Variants in LDB2 observed in about 807,000 individuals in gnomAD.
LDB2 encodes the protein LIM domain-binding protein 2.
A neutral mutation model predicts 44.3 loss-of-function variants in LDB2; 12 were observed. That is an observed-to-expected ratio of 0.27 (90% CI 0.17 to 0.44). LDB2 has a LOEUF of 0.44. LDB2 is among the 20% of genes least tolerant of loss of function. The pLI is 1.00. For synonymous variants in LDB2, 164 were observed against 174.8 expected (o/e 0.94, Z 0.49); for missense variants, 344 against 473.5 (o/e 0.73, Z 2.54).
At chr4:16,601,951 A>C (rs979097100) in intron 2 of LDB2, among the ~76,000 whole-genome samples, 1 of 152,174 alleles carries the variant, frequency 6.6e-6, no homozygotes, top group Admixed American at 6.5e-5. Context: ...GATGGGGGTG[A>C]TACTAGTTCA....
intron 2 of LDB2, among the ~76,000 whole-genome samples, chr4:16,713,495 A>G (rs186733523): frequency 4.5e-4 from 68 of 152,350 alleles, no homozygotes; most frequent in Middle Eastern, 6.8e-3. Flanking sequence ...TTCTAGGCTT[A>G]CAAGTAAGAA....
intron 2 of LDB2, among the ~76,000 whole-genome samples, chr4:16,689,641 T>C (rs1288950173): frequency 3.3e-5 from 5 of 152,188 alleles, no homozygotes; most frequent in Non-Finnish European, 7.3e-5. Flanking sequence ...AGTTTCCTCA[T>C]CTATAATTTG....
At chr4:16,639,065 G>T (rs1262396998) in intron 2 of LDB2, among the ~76,000 whole-genome samples, 1 of 152,182 alleles carries the variant, frequency 6.6e-6, no homozygotes, top group Non-Finnish European at 1.5e-5. Context: ...TTTGAATCAA[G>T]TTTCAGAGCA....
chr4:16,728,120 G>A (rs1759920188), intron 2 of LDB2, among the ~76,000 whole-genome samples: 1 of 152,158 alleles, frequency 6.6e-6, no homozygotes, highest in Non-Finnish European at 1.5e-5. Flanking sequence ...GATGCTTAAA[G>A]AAAAAGTAAG....
At chr4:16,640,991 T>C (rs1734977053) in intron 2 of LDB2, among the ~76,000 whole-genome samples, 1 of 152,072 alleles carries the variant, frequency 6.6e-6, no homozygotes, top group Admixed American at 6.6e-5. Context: ...TGATTACCCA[T>C]TTAAGACAAA....
intron 5 of LDB2, among the ~76,000 whole-genome samples, chr4:16,564,624 G>A (rs531796699): frequency 6.6e-6 from 1 of 152,076 alleles, no homozygotes; most frequent in Non-Finnish European, 1.5e-5. Flanking sequence ...TTTTCTAAGG[G>A]ATCTTTCTTT....
At chr4:16,777,518 T>C (rs1579570980) in intron 1 of LDB2, among the ~76,000 whole-genome samples, 1 of 152,152 alleles carries the variant, frequency 6.6e-6, no homozygotes, top group Non-Finnish European at 1.5e-5. Context: ...TGAACCCCCA[T>C]GCAGGACCTT....
intron 2 of LDB2, among the ~76,000 whole-genome samples, chr4:16,629,147 C>G (rs561784326): frequency 7.2e-5 from 11 of 152,348 alleles, no homozygotes; most frequent in African/African-American, 2.4e-4. Context: ...GAGCCCACCA[C>G]AGATCAGCAA....
intron 1 of LDB2, among the ~76,000 whole-genome samples, chr4:16,800,362 A>C (rs3846355): frequency 2.0e-5 from 3 of 152,252 alleles, no homozygotes; most frequent in Admixed American, 2.0e-4. Context: ...ATCTGTTTAT[A>C]AACCTATTTC....
chr4:16,655,896 CTTTTTTTTTTTT>C (rs747097456), intron 2 of LDB2, among the ~76,000 whole-genome samples: 1 of 93,320 alleles, frequency 1.1e-5, no homozygotes, highest in Non-Finnish European at 2.0e-5. Flanking sequence ...TGCAAGAAAA[CTTTTTTTTTTTT>C]TTTTTTTTTG....
intron 2 of LDB2, among the ~76,000 whole-genome samples, chr4:16,606,431 C>T (rs1450159481): frequency 6.6e-6 from 1 of 152,178 alleles, no homozygotes; most frequent in East Asian, 1.9e-4. Context: ...CAATTTGCTT[C>T]CTTATCAGCC....
chr4:16,542,837 C>T (rs1462340701), intron 5 of LDB2, among the ~76,000 whole-genome samples: 1 of 151,888 alleles, frequency 6.6e-6, no homozygotes, highest in African/African-American at 2.4e-5. Context: ...AGGTTTGTTA[C>T]ATACGTATAC....
At chr4:16,603,127 T>C (rs1722999532) in intron 2 of LDB2, among the ~76,000 whole-genome samples, 1 of 152,198 alleles carries the variant, frequency 6.6e-6, no homozygotes, top group African/African-American at 2.4e-5. Flanking sequence ...ACAAAACTCT[T>C]TCGACTTTGA....
At chr4:16,890,936 T>G (rs1473115607) in intron 1 of LDB2, among the ~76,000 whole-genome samples, 1 of 152,150 alleles carries the variant, frequency 6.6e-6, no homozygotes, top group Non-Finnish European at 1.5e-5. Flanking sequence ...AGGAGTAGAT[T>G]AAACTAAGAT....
intron 1 of LDB2, among the ~76,000 whole-genome samples, chr4:16,841,070 G>C (rs1273199257): frequency 6.6e-6 from 1 of 152,146 alleles, no homozygotes; most frequent in Non-Finnish European, 1.5e-5. Flanking sequence ...ATTGTGTTTT[G>C]ATTGGGTACA....
At chr4:16,528,945 C>A (rs184502254) in intron 5 of LDB2, among the ~76,000 whole-genome samples, 2 of 152,280 alleles carry the variant, frequency 1.3e-5, no homozygotes, top group East Asian at 3.9e-4. Context: ...TCCCAAGAAG[C>A]CACACACATT....
At chr4:16,891,187 C>A in intron 1 of LDB2, among the ~76,000 whole-genome samples, 1 of 145,086 alleles carries the variant, frequency 6.9e-6, no homozygotes, top group South Asian at 2.2e-4. Context: ...AGAAGAAGCA[C>A]TGAATGGAAA....
intron 2 of LDB2, among the ~76,000 whole-genome samples, chr4:16,638,043 G>A (rs1451810373): frequency 2.0e-5 from 3 of 152,096 alleles, no homozygotes; most frequent in Non-Finnish European, 4.4e-5. Flanking sequence ...TAGAATTAAA[G>A]GGCCTTAAGG....
At chr4:16,831,142 T>C (rs1005889276) in intron 1 of LDB2, among the ~76,000 whole-genome samples, 4 of 150,248 alleles carry the variant, frequency 2.7e-5, no homozygotes, top group Non-Finnish European at 5.9e-5. Context: ...ACTTCTAACC[T>C]GCATGACCTT....
Sources: gnomAD v4.1 joint callset for allele counts (sites outside exome capture counted in the v4.1 genomes callset) on GRCh38, gnomAD v4.1.1 for gene constraint, MANE v1.5 for transcripts, NCBI Gene and HGNC (gene_info 2026-07-23, HGNC 2026-07-21) for gene names.